The following ACTR1A variants were observed in gnomAD, a reference collection of about 807,000 sequenced individuals.
ACTR1A encodes actin related protein 1A.
ACTR1A carries 10 observed loss-of-function variants against 50.7 expected under a neutral mutation model. That is an observed-to-expected ratio of 0.20 (90% CI 0.12 to 0.33). The LOEUF is 0.33. Ranked by LOEUF, ACTR1A falls within the 10% of genes least tolerant of loss-of-function variation. The pLI is 1.00. For missense variants in ACTR1A, 253 were observed against 491.7 expected (o/e 0.51, Z 4.59); for synonymous variants, 177 against 184.2 (o/e 0.96, Z 0.32).
intron 1 of ACTR1A, among the ~76,000 whole-genome samples, chr10:102,502,093 C>T (rs1159345949): frequency 2.6e-5 from 4 of 152,232 alleles, no homozygotes; most frequent in East Asian, 3.9e-4. Context: ...TAGGCCCCAC[C>T]ACCCAGAGTC....
intron 1 of ACTR1A, among the ~76,000 whole-genome samples, chr10:102,502,072 G>T (rs1242177613): frequency 6.6e-6 from 1 of 152,212 alleles, no homozygotes; most frequent in Non-Finnish European, 1.5e-5. Context: ...CCGCGGGCGG[G>T]CACTCGCCTC....
rs1372449650 is a variant in ACTR1A, at chr10:102,492,005, G to C, written c.49-1392C>G. 2.8e-5 allele frequency among the ~76,000 whole-genome samples: 4 copies of C among 143,732 alleles called. No homozygotes were observed. The East Asian group carries it at 8.2e-4, about 30-fold the overall frequency. 94.3% of individuals were successfully genotyped at this position (143,732 alleles called of 152,430 possible). A position where few individuals can be genotyped will look rare whatever the true frequency, so the allele number is the denominator to read the frequency against. ...AGGATGATCTCGATCTCCTGACCTC[G>C]TGATCCGCCCGCCTTGGCCTCCCAA... On this transcript the variant is annotated intron_variant, in intron 1 of 10. Transcript: ENST00000369905.
intron 1 of ACTR1A, among the ~76,000 whole-genome samples, chr10:102,497,895 T>A (rs1237898893): frequency 3.6e-5 from 5 of 140,280 alleles, no homozygotes; most frequent in Non-Finnish European, 6.1e-5. Flanking sequence ...GAGTTCTAGA[T>A]CAGCCTGGGG....
intron 1 of ACTR1A, among the ~76,000 whole-genome samples, chr10:102,492,112 C>T (rs903904734): frequency 3.6e-5 from 5 of 139,034 alleles, no homozygotes; most frequent in African/African-American, 8.1e-5. Context: ...GGTCTGTCAC[C>T]CAGGCTGGAG....
chr10:102,502,689 G>T lies in ACTR1A; in HGVS notation c.-42C>A, dbSNP rs200977265. ...CTTCTGGGGAAGGAACTGCCCAGCC[G>T]GGTCCGCCGCTAGCGCCACTGACAC... On this transcript the variant is annotated 5_prime_UTR_variant, in exon 1 of 11. Coordinates refer to ENST00000369905, the MANE Select transcript of ACTR1A (RefSeq NM_005736.4). 1.0e-3 allele frequency: 1,617 copies of T among 1,610,950 alleles called. 2 individuals are homozygous for T. The highest frequency in any genetic ancestry group is 1.3e-3 in the Non-Finnish European group (1,493 of 1,177,562).
intron 2 of ACTR1A, among the ~76,000 whole-genome samples, chr10:102,490,285 A>G (rs1390090169): frequency 6.6e-6 from 1 of 151,274 alleles, no homozygotes; most frequent in Non-Finnish European, 1.5e-5. Context: ...GTTAATCCCC[A>G]GCCTGGGTGA....
At chr10:102,484,506 G>C in intron 5 of ACTR1A, 130 bp from the exon 6 acceptor site, 1 of 777,268 alleles carries the variant, frequency 1.3e-6, no homozygotes, top group Non-Finnish European at 2.1e-6. Flanking sequence ...TCTGTAGAAT[G>C]GACTGGGTAC....
intron 1 of ACTR1A, 84 bp downstream of exon 1, chr10:102,502,516 G>T: frequency 6.7e-7 from 1 of 1,485,158 alleles, no homozygotes; most frequent in Non-Finnish European, 9.4e-7. Flanking sequence ...ACAAAGAGCC[G>T]GCGGCTCAGG....
intron 9 of ACTR1A, among the ~76,000 whole-genome samples, chr10:102,481,378 T>C (rs566053730): frequency 1.1e-4 from 14 of 130,886 alleles, no homozygotes; most frequent in East Asian, 4.2e-4. Context: ...GCTGGGACTA[T>C]TGGGGGGGGC....
chr10:102,484,995 C>T (rs1482882314), intron 5 of ACTR1A, among the ~76,000 whole-genome samples: 2 of 152,198 alleles, frequency 1.3e-5, no homozygotes, highest in Admixed American at 6.5e-5. Flanking sequence ...AATGTGTGCC[C>T]GACCTTCCCA....
At chr10:102,489,413 G>A (rs186693010) in intron 2 of ACTR1A, among the ~76,000 whole-genome samples, 1 of 152,002 alleles carries the variant, frequency 6.6e-6, no homozygotes, top group East Asian at 1.9e-4. Flanking sequence ...TTCTCTTTCT[G>A]CAGTGTATGA....
intron 5 of ACTR1A, among the ~76,000 whole-genome samples, chr10:102,485,113 GTGTAGGTCACT>G (rs1422738963): frequency 6.6e-6 from 1 of 152,192 alleles, no homozygotes; most frequent in Non-Finnish European, 1.5e-5. Flanking sequence ...TAAATCCCAC[GTGTAGGTCACT>G]TGTGGATAAT....
At chr10:102,499,258 A>G (rs528271813) in intron 1 of ACTR1A, among the ~76,000 whole-genome samples, 5 of 152,342 alleles carry the variant, frequency 3.3e-5, no homozygotes, top group Admixed American at 2.0e-4. Flanking sequence ...GGTATTTCAA[A>G]TAATGTTTCC....
rs566046804 is a variant in ACTR1A, at chr10:102,496,663, T to G, written c.48+5937A>C. Reference sequence around the variant, plus strand: ...CTGAATATCACACTGCAAGTGACAGTGTTAGATAAATACATTGACTTCATT... The same window carrying G: ...CTGAATATCACACTGCAAGTGACAGGGTTAGATAAATACATTGACTTCATT... On this transcript the variant is annotated intron_variant, in intron 1 of 10. Transcript: ENST00000369905. Among the ~76,000 whole-genome samples, 6 of 152,338 alleles carry G rather than the reference T, an allele frequency of 3.9e-5. No homozygotes were observed. The South Asian group carries it at 1.0e-3, about 26-fold the overall frequency.
chr10:102,487,932 C>T (rs1055979813), intron 4 of ACTR1A, among the ~76,000 whole-genome samples: 1 of 152,024 alleles, frequency 6.6e-6, no homozygotes, highest in African/African-American at 2.4e-5. Context: ...CGCCCGGCCA[C>T]GACTTGGCTT....
At position 102,482,228 on chromosome 10, in the gene ACTR1A, T is replaced by C. The variant is rs1369774002; in HGVS notation, c.751-53A>G. On this transcript the variant is annotated intron_variant, in intron 7 of 10. Coordinates refer to ENST00000369905, the MANE Select transcript of ACTR1A (RefSeq NM_005736.4). The surrounding 1 kb of genome is among the most constrained non-coding windows in gnomAD (Gnocchi z 5.6). Reference sequence around the variant, plus strand: ...GTCGGAGCTGGGACCAAGGTCCCTTTGGGAGTGGGAATGGAAGACGCCCCT... The same window carrying C: ...GTCGGAGCTGGGACCAAGGTCCCTTCGGGAGTGGGAATGGAAGACGCCCCT... 4.5e-6 allele frequency: 7 copies of C among 1,572,514 alleles called. No individual in the cohort carries two copies. The East Asian group carries it at 1.6e-4, about 35-fold the overall frequency.
intron 4 of ACTR1A, among the ~76,000 whole-genome samples, chr10:102,487,452 T>G (rs1260900218): frequency 6.6e-6 from 1 of 151,156 alleles, no homozygotes; most frequent in Non-Finnish European, 1.5e-5. Context: ...TGGTGGGGGG[T>G]GGGGCTGAGA....
At position 102,484,189 on chromosome 10, in the gene ACTR1A, C is replaced by G. The variant is rs766935547; in HGVS notation, c.628G>C (p.Glu210Gln). The stretch of plus-strand genomic sequence containing the variant: ...TTTATGGCCTTGACAATCTCAAACT[C>G]AGAGGATGAGTGGAAGTCGTAGCCC... ...KEGYDFHSSS[E>Q]FEIVKAIKER... Residue 210 changes from glutamate (E) to glutamine (Q), a missense_variant, in exon 6 of 11, where the codon GAG becomes CAG. By Grantham distance (29) the Glu-to-Gln change is conservative. This residue lies in a region of ACTR1A where 116 missense variants were observed against 155.9 expected (regional missense o/e 0.74). Coordinates refer to ENST00000369905, the MANE Select transcript of ACTR1A (RefSeq NM_005736.4). 4 of 1,614,184 alleles carry G rather than the reference C, an allele frequency of 2.5e-6. No homozygotes were observed. Among genetic ancestry groups the G allele is most frequent in the Non-Finnish European group, 3.4e-6 (4 of 1,180,038 alleles).
At chr10:102,481,259 G>A in intron 9 of ACTR1A, 87 bp from the exon 10 acceptor site, 1 of 1,404,574 alleles carries the variant, frequency 7.1e-7, no homozygotes, top group South Asian at 1.4e-5. Context: ...CCCATGGCAG[G>A]GGATACATTT....
Sources: gnomAD v4.1 joint callset for allele counts (sites outside exome capture counted in the v4.1 genomes callset) on GRCh38, gnomAD v4.1.1 for gene constraint, gnomAD v4.1.1 regional missense constraint, Gnocchi (gnomAD v3.1) non-coding constraint, MANE v1.5 for transcripts, NCBI Gene and HGNC (gene_info 2026-07-23, HGNC 2026-07-21) for gene names.